Variants in TNFSF11 observed in about 807,000 individuals in gnomAD.
TNFSF11 encodes the protein tumor necrosis factor ligand superfamily member 11.
TNFSF11 carries 12 observed loss-of-function variants against 32.2 expected under a neutral mutation model. The observed-to-expected ratio is 0.37, with a 90% CI of 0.24 to 0.60. The LOEUF (loss-of-function observed/expected upper bound fraction) is 0.60, where lower values mean the gene tolerates loss of function less well. Ranked by LOEUF, TNFSF11 falls within the 20% of genes least tolerant of loss-of-function variation. TNFSF11 has a pLI of 0.66. For synonymous variants in TNFSF11, 172 were observed against 152.1 expected (o/e 1.13, Z -0.96); for missense variants, 345 against 398.0 (o/e 0.87, Z 1.13).
At chr13:42,577,693 G>T (rs7999048) in intron 1 of TNFSF11, among the ~76,000 whole-genome samples, 1 of 152,144 alleles carries the variant, frequency 6.6e-6, no homozygotes, top group Admixed American at 6.5e-5. Flanking sequence ...AACCTCCCTG[G>T]TTGTTTGTTA....
intron 4 of TNFSF11, among the ~76,000 whole-genome samples, chr13:42,606,197 A>G (rs924617578): frequency 1.3e-5 from 2 of 152,070 alleles, no homozygotes; most frequent in African/African-American, 4.8e-5. Context: ...AACCTTGCCT[A>G]TTGTTACTCA....
intron 2 of TNFSF11, among the ~76,000 whole-genome samples, chr13:42,590,886 A>G (rs1868426526): frequency 6.6e-6 from 1 of 152,248 alleles, no homozygotes; most frequent in Non-Finnish European, 1.5e-5. Context: ...TCCCAGGAAA[A>G]GCATCAGTCT....
chr13:42,600,621 T>C (rs1308911824), intron 2 of TNFSF11, 131 bp from the exon 3 acceptor site: 2 of 989,330 alleles, frequency 2.0e-6, no homozygotes, highest in Non-Finnish European at 3.0e-6. Context: ...GGAATTTCAC[T>C]GCCAATGTTA....
chr13:42,597,688 C>T (rs1868896820), intron 2 of TNFSF11, among the ~76,000 whole-genome samples: 1 of 152,190 alleles, frequency 6.6e-6, no homozygotes, highest in African/African-American at 2.4e-5. Context: ...AATGCAAATT[C>T]TCAGGCCCCA....
In TNFSF11 at chr13:42,603,138, T is replaced by C. The variant is rs369405601; in HGVS notation, c.532+2157T>C. Among the ~76,000 whole-genome samples, 6 of 152,358 alleles carry C rather than the reference T, an allele frequency of 3.9e-5. No homozygotes were observed. In the South Asian group the frequency reaches 8.3e-4, roughly 21 times the overall value. On this transcript the variant is annotated intron_variant, in intron 4 of 4. Transcript: ENST00000398795. ...TGGCTTTAAATTTGCATGTTCATTT[T>C]GGGGCTCTGTTTTATACTTACTTAC...
intron 1 of TNFSF11, among the ~76,000 whole-genome samples, chr13:42,580,681 A>G (rs537085205): frequency 3.9e-5 from 6 of 152,316 alleles, no homozygotes; most frequent in African/African-American, 9.6e-5. Flanking sequence ...CCTGTTTTAT[A>G]TAGGTTTCAT....
chr13:42,601,472 C>G (rs1179848063), intron 4 of TNFSF11, among the ~76,000 whole-genome samples: 1 of 152,166 alleles, frequency 6.6e-6, no homozygotes, highest in Non-Finnish European at 1.5e-5. Context: ...AAGGGCTTAT[C>G]ATTTTCTCTG....
At chr13:42,597,191 GCT>G (rs1868857688) in intron 2 of TNFSF11, among the ~76,000 whole-genome samples, 1 of 152,092 alleles carries the variant, frequency 6.6e-6, no homozygotes, top group South Asian at 2.1e-4. Context: ...ACAGTCATGC[GCT>G]CTCTTTTTGA....
Position 42,600,954 on chromosome 13 carries a change from A to C in TNFSF11, c.505A>C (p.Thr169Pro). The C allele has an allele frequency of 1.2e-6, 2 of 1,614,130 alleles. No individual in the cohort carries two copies. The highest frequency in any genetic ancestry group is 1.7e-6 in the Non-Finnish European group (2 of 1,180,004). ...TGAAGCTCAGCCTTTTGCTCATCTCACTATTAATGCCACCGACATCCCATC... is the reference window on the plus strand; with the variant it reads ...TGAAGCTCAGCCTTTTGCTCATCTCCCTATTAATGCCACCGACATCCCATC... ...KLEAQPFAHL[T>P]INATDIPSGS... Residue 169 changes from threonine (T) to proline (P), a missense_variant, in exon 4 of 5, where the codon ACT (threonine) becomes CCT (proline). Physicochemically the swap from Thr to Pro is conservative, Grantham distance 38. This residue lies in a region of TNFSF11 where 148 missense variants were observed against 216.0 expected (regional missense o/e 0.69). Coordinates refer to ENST00000398795, the MANE Select transcript of TNFSF11 (RefSeq NM_003701.4).
chr13:42,581,855 CAA>C (rs1413374657), intron 2 of TNFSF11, among the ~76,000 whole-genome samples: 8 of 152,308 alleles, frequency 5.3e-5, no homozygotes, highest in African/African-American at 1.7e-4. Flanking sequence ...AGCTGAGTGA[CAA>C]GAGAAGAGTT....
chr13:42,578,212 A>G (rs1205931387), intron 1 of TNFSF11, among the ~76,000 whole-genome samples: 5 of 152,218 alleles, frequency 3.3e-5, no homozygotes, highest in East Asian at 1.9e-4. Flanking sequence ...TTTTTCAATC[A>G]TGCAATCCTC....
chr13:42,585,895 T>C (rs1873871892), intron 2 of TNFSF11, among the ~76,000 whole-genome samples: 1 of 152,218 alleles, frequency 6.6e-6, no homozygotes, highest in Admixed American at 6.5e-5. Context: ...CAAAGGCATT[T>C]GAAAGAATAA....
In TNFSF11 at chr13:42,574,221, C is replaced by A. The variant is rs1178804102; in HGVS notation, c.-83C>A. On this transcript the variant is annotated 5_prime_UTR_variant, in exon 1 of 5. Transcript: ENST00000398795. ...TCGGCGCCCCACGTCGAGGCTCCGC[C>A]GCAGCCTCCGGAGTTGGCCGCAGAC... The A allele has an allele frequency of 2.6e-6, 4 of 1,513,500 alleles. No homozygotes were observed. In the East Asian group the frequency reaches 7.4e-5, roughly 28 times the overall value. 93.8% of individuals were successfully genotyped at this position (1,513,500 alleles called of 1,614,324 possible).
At chr13:42,599,495 G>C (rs1042285849) in intron 2 of TNFSF11, among the ~76,000 whole-genome samples, 2 of 152,102 alleles carry the variant, frequency 1.3e-5, no homozygotes, top group African/African-American at 4.8e-5. Flanking sequence ...TCCAGTAACA[G>C]GGGAAATTAG....
intron 2 of TNFSF11, among the ~76,000 whole-genome samples, chr13:42,589,801 C>T (rs1240806671): frequency 6.6e-6 from 1 of 152,226 alleles, no homozygotes; most frequent in African/African-American, 2.4e-5. Flanking sequence ...ACTCCTGACT[C>T]CTAGCCTCCA....
intron 2 of TNFSF11, among the ~76,000 whole-genome samples, chr13:42,583,426 A>AAG (rs1873717643): frequency 1.0e-5 from 1 of 95,330 alleles, no homozygotes; most frequent in Non-Finnish European, 2.4e-5. Flanking sequence ...CTAAAAAAAA[A>AAG]AAAAAAAAAA....
chr13:42,579,511 C>T (rs1450288037), intron 1 of TNFSF11, among the ~76,000 whole-genome samples: 1 of 151,980 alleles, frequency 6.6e-6, no homozygotes, highest in Non-Finnish European at 1.5e-5. Flanking sequence ...AGCAGGACTC[C>T]AGCTTAACCT....
intron 2 of TNFSF11, among the ~76,000 whole-genome samples, chr13:42,583,708 C>T (rs1046642491): frequency 6.6e-6 from 1 of 151,708 alleles, no homozygotes; most frequent in Admixed American, 6.6e-5. Flanking sequence ...TTAGTTTTAA[C>T]TAAAAGTTAC....
chr13:42,586,522 C>T (rs1453013557), intron 2 of TNFSF11, among the ~76,000 whole-genome samples: 1 of 152,226 alleles, frequency 6.6e-6, no homozygotes, highest in Non-Finnish European at 1.5e-5. Flanking sequence ...CCAGCTGGCC[C>T]TCTCACATCA....
Sources: allele counts gnomAD v4.1 joint callset (sites outside exome capture counted in the v4.1 genomes callset), GRCh38; gene constraint gnomAD v4.1.1; regional missense constraint gnomAD v4.1.1; transcripts MANE v1.5; gene names NCBI Gene and HGNC (gene_info 2026-07-23, HGNC 2026-07-21).